The following SLC9B2 variants were observed in gnomAD, a reference collection of about 807,000 sequenced individuals.
The protein encoded by SLC9B2 is solute carrier family 9 member B2, also known as sodium/hydrogen exchanger 9B2.
A neutral mutation model predicts 52.2 loss-of-function variants in SLC9B2; 39 were observed. The ratio of observed to expected loss-of-function variants is 0.75; its 90% CI spans 0.58 to 0.98. SLC9B2 has a LOEUF of 0.98. SLC9B2 is among the 50% of genes least tolerant of loss of function. SLC9B2 has a pLI of 0.00. For synonymous variants in SLC9B2, 214 were observed against 227.0 expected (o/e 0.94, Z 0.51); for missense variants, 626 against 637.5 (o/e 0.98, Z 0.19).
Position 103,072,056 on chromosome 4 carries a change from G to T in SLC9B2, c.-43+4128C>A, listed in dbSNP as rs201934341. 4.8e-3 allele frequency among the ~76,000 whole-genome samples: 456 copies of T among 95,064 alleles called. 1 individual carries two copies. The highest frequency in any genetic ancestry group is 7.9e-3 in the African/African-American group (173 of 21,762). 62.4% of individuals were successfully genotyped at this position (95,064 alleles called of 152,430 possible). A position where few individuals can be genotyped will look rare whatever the true frequency, so the allele number is the denominator to read the frequency against. On this transcript the variant is annotated intron_variant, in intron 1 of 11. Transcript: ENST00000394785. ...CAAAATTTTCAAGTTTGGCTTTCATGTTTTTTTTTTTTTTTTTTTTGAGGT... is the reference window on the plus strand; with the variant it reads ...CAAAATTTTCAAGTTTGGCTTTCATTTTTTTTTTTTTTTTTTTTTTGAGGT...
At chr4:103,057,547 T>C (rs1162154306) in intron 4 of SLC9B2, among the ~76,000 whole-genome samples, 3 of 151,982 alleles carry the variant, frequency 2.0e-5, no homozygotes, top group African/African-American at 7.3e-5. Flanking sequence ...GCTCAAGCAA[T>C]CTGCCTACCT....
intron 9 of SLC9B2, among the ~76,000 whole-genome samples, chr4:103,035,802 T>C (rs1024309822): frequency 5.9e-5 from 9 of 152,282 alleles, no homozygotes; most frequent in African/African-American, 2.2e-4. Flanking sequence ...GAAATCACCC[T>C]ACCATTAAGA....
At chr4:103,046,412 G>A (rs563463708) in intron 7 of SLC9B2, among the ~76,000 whole-genome samples, 8 of 152,246 alleles carry the variant, frequency 5.3e-5, no homozygotes, top group Non-Finnish European at 1.0e-4. Context: ...TTTAATATAG[G>A]TGTTGAACAA....
chr4:103,064,116 C>A (rs905241133), intron 3 of SLC9B2, among the ~76,000 whole-genome samples: 2 of 152,088 alleles, frequency 1.3e-5, no homozygotes, highest in African/African-American at 4.8e-5. Flanking sequence ...AATGGTACTA[C>A]CATATGATCC....
chr4:103,066,980 T>C (rs1435990368), intron 2 of SLC9B2, among the ~76,000 whole-genome samples: 2 of 151,100 alleles, frequency 1.3e-5, no homozygotes, highest in African/African-American at 4.9e-5. Context: ...ATTAGGTGCA[T>C]GCAAATATTA....
At chr4:103,071,972 AGTT>A (rs1560563548) in intron 1 of SLC9B2, among the ~76,000 whole-genome samples, 1 of 149,934 alleles carries the variant, frequency 6.7e-6, no homozygotes, top group Non-Finnish European at 1.5e-5. Flanking sequence ...CATTTTTTGT[AGTT>A]GTGATTTTTC....
chr4:103,044,877 T>C lies in SLC9B2; in HGVS notation c.996+13A>G, dbSNP rs1242265406. On this transcript the variant is annotated intron_variant, in intron 8 of 11. Transcript: ENST00000394785. The stretch of plus-strand genomic sequence containing the variant: ...TTTCAGAGCACAACTTTCCCACATA[T>C]TATTTCTTTCACCTGGTCACGGCTT... The C allele has an allele frequency of 2.5e-6, 4 of 1,594,064 alleles. No homozygotes were observed. The highest frequency in any genetic ancestry group is 3.4e-6 in the Non-Finnish European group (4 of 1,162,076).
chr4:103,019,920 G>A (rs1419087855), downstream of SLC9B2: 3 of 987,204 alleles, frequency 3.0e-6, no homozygotes, highest in Non-Finnish European at 3.6e-6. Context: ...GACATCACTG[G>A]GCATTTTAGC....
chr4:103,057,260 A>ATGTATGTG (rs1287319503), intron 4 of SLC9B2, among the ~76,000 whole-genome samples: 3 of 147,726 alleles, frequency 2.0e-5, no homozygotes, highest in African/African-American at 7.5e-5. Context: ...ATATATATAT[A>ATGTATGTG]TATATATATA....
intron 1 of SLC9B2, among the ~76,000 whole-genome samples, chr4:103,068,251 G>A (rs1479942386): frequency 6.6e-6 from 1 of 152,116 alleles, no homozygotes; most frequent in South Asian, 2.1e-4. Context: ...GTAAGACTAC[G>A]GATTGGCTCA....
rs374420637 is a variant in SLC9B2 at position 103,066,519 on chromosome 4, G to A, written c.91-12C>T. The A allele has an allele frequency of 2.5e-6, 4 of 1,602,626 alleles. No homozygotes were observed. The highest frequency in any genetic ancestry group is 3.4e-6 in the Non-Finnish European group (4 of 1,175,918). ...ATAACTGTCTCCTCCTGTGTTTAAA[G>A]TAATTTTAAAAATCCTTAAAACTGT... is the stretch of plus-strand genomic sequence containing the variant. On this transcript the variant is annotated splice_polypyrimidine_tract_variant and intron_variant, in intron 2 of 11. Transcript: ENST00000394785.
intron 3 of SLC9B2, among the ~76,000 whole-genome samples, chr4:103,061,120 G>T (rs537483933): frequency 1.2e-4 from 18 of 152,132 alleles, no homozygotes; most frequent in African/African-American, 4.3e-4. Context: ...GGTGGATCTA[G>T]AACTAGAAAT....
intron 3 of SLC9B2, among the ~76,000 whole-genome samples, chr4:103,060,904 C>T (rs547592292): frequency 2.8e-4 from 42 of 152,270 alleles, no homozygotes; most frequent in African/African-American, 9.9e-4. Flanking sequence ...CACACCTGCC[C>T]CAGCCAGCAA....
At chr4:103,065,071 T>A (rs1745992575) in intron 3 of SLC9B2, among the ~76,000 whole-genome samples, 1 of 150,674 alleles carries the variant, frequency 6.6e-6, no homozygotes, top group African/African-American at 2.4e-5. Context: ...AAAAAAAAGG[T>A]TGGGTGGGGG....
chr4:103,055,096 G>A (rs571580305), intron 4 of SLC9B2, among the ~76,000 whole-genome samples: 1 of 152,256 alleles, frequency 6.6e-6, no homozygotes. Flanking sequence ...CAGGGACATG[G>A]ATGAAGCTGG....
intron 10 of SLC9B2, among the ~76,000 whole-genome samples, chr4:103,030,333 G>C (rs1742588947): frequency 6.6e-6 from 1 of 152,100 alleles, no homozygotes; most frequent in South Asian, 2.1e-4. Flanking sequence ...GTAAGGAAAG[G>C]CTCAAACAGC....
intron 7 of SLC9B2, among the ~76,000 whole-genome samples, chr4:103,045,916 A>G (rs769079209): frequency 6.6e-6 from 1 of 152,238 alleles, no homozygotes; most frequent in Non-Finnish European, 1.5e-5. Flanking sequence ...TATACCAGGA[A>G]AGTGGTAAGA....
chr4:103,044,844 C>T (rs746209958), intron 8 of SLC9B2, 46 bp downstream of exon 8: 13 of 1,428,442 alleles, frequency 9.1e-6, no homozygotes, highest in Non-Finnish European at 1.1e-5. Flanking sequence ...AATGTTTTCC[C>T]AATGATATTT....
Position 103,031,782 on chromosome 4 carries a change from A to T in SLC9B2, c.1173T>A (p.Val391=). ...GAAGGGGCTGAAAAATGTCCCAGGC[A>T]ACTGCAATTATCTTTTCAACCTCTG... ...EKAEVEKIIA[V]AWDIFQPLLF... is the part of the protein sequence containing the mutation. The change falls in exon 10 of 12, where the codon GTT becomes GTA. Residue 391 remains valine (V), a synonymous_variant. Transcript: ENST00000394785. 1 of 1,612,776 alleles carries T rather than the reference A, an allele frequency of 6.2e-7. No individual in the cohort carries two copies. The highest frequency in any genetic ancestry group is 1.1e-5 in the South Asian group (1 of 91,024).
Sources: gnomAD v4.1 joint callset for allele counts (sites outside exome capture counted in the v4.1 genomes callset) on GRCh38, gnomAD v4.1.1 for gene constraint, MANE v1.5 for transcripts, NCBI Gene and HGNC (gene_info 2026-07-23, HGNC 2026-07-21) for gene names.